Variants in CD58 observed in about 807,000 individuals in gnomAD.
CD58 encodes the protein lymphocyte function-associated antigen 3.
A neutral mutation model predicts 27.6 loss-of-function variants in CD58; 14 were observed. That is an observed-to-expected ratio of 0.51 (90% CI 0.34 to 0.79). The LOEUF is 0.79. CD58 is among the 30% of genes least tolerant of loss of function. The pLI, the probability that CD58 is intolerant of heterozygous loss-of-function variation, is 0.02. For missense variants in CD58, 268 were observed against 301.7 expected (o/e 0.89, Z 0.83); for synonymous variants, 117 against 103.8 (o/e 1.13, Z -0.77).
intron 1 of CD58, among the ~76,000 whole-genome samples, chr1:116,555,757 A>G (rs1658539370): frequency 6.6e-6 from 1 of 152,220 alleles, no homozygotes; most frequent in Non-Finnish European, 1.5e-5. Context: ...TTTATAGATG[A>G]AGTATCCTGA....
chr1:116,567,113 C>A (rs1470994007), intron 1 of CD58, among the ~76,000 whole-genome samples: 2 of 149,874 alleles, frequency 1.3e-5, no homozygotes, highest in African/African-American at 4.9e-5. Context: ...ATACTCTAGC[C>A]TGGGCAACAG....
In CD58 at chr1:116,546,692, G is replaced by C. The variant is rs932569102; in HGVS notation, c.71-2088C>G. On this transcript the variant is annotated intron_variant, in intron 1 of 5. Transcript: ENST00000369489. This position sits in a 1 kb window ranked among gnomAD's most constrained non-coding sequence, Gnocchi z 4.1. ...CCCAGGGAGAGCTGATGTATCCTGG[G>C]CTTGAGAACAGTAGAAGAAAGTAGT... 1.3e-5 allele frequency among the ~76,000 whole-genome samples: 2 copies of C among 152,220 alleles called. No homozygotes were observed. Among genetic ancestry groups the C allele is most frequent in the Non-Finnish European group, 2.9e-5 (2 of 68,042 alleles).
rs1240471003 is a variant in CD58, at chr1:116,522,213, G to C, written c.629-230C>G. On this transcript the variant is annotated intron_variant, in intron 3 of 5. Transcript: ENST00000369489. The surrounding 1 kb of genome is among the most constrained non-coding windows in gnomAD (Gnocchi z 4.6). ...GAAAAAGGTAAAGCTCTGCCTTCTT[G>C]TTTCAAGTTCTTACACTGTTAACAA... Among the ~76,000 whole-genome samples, 1 of 152,166 alleles carries C rather than the reference G, an allele frequency of 6.6e-6. No homozygotes were observed. The highest frequency in any genetic ancestry group is 2.4e-5 in the African/African-American group (1 of 41,440).
intron 1 of CD58, among the ~76,000 whole-genome samples, chr1:116,564,546 G>C (rs1418837214): frequency 2.0e-5 from 3 of 152,226 alleles, no homozygotes; most frequent in Non-Finnish European, 4.4e-5. Context: ...CACCTGGCCA[G>C]GGAGGCCCCA....
chr1:116,553,364 G>A (rs987032793), intron 1 of CD58, among the ~76,000 whole-genome samples: 1 of 152,052 alleles, frequency 6.6e-6, no homozygotes, highest in Non-Finnish European at 1.5e-5. Context: ...GGTAAGACTA[G>A]ATAGCAAGAG....
Position 116,527,083 on chromosome 1 carries a change from C to T in CD58, c.629-5100G>A, listed in dbSNP as rs1013341019. On this transcript the variant is annotated intron_variant, in intron 3 of 5. Coordinates refer to ENST00000369489, the MANE Select transcript of CD58 (RefSeq NM_001779.3). The surrounding 1 kb of genome is among the most constrained non-coding windows in gnomAD (Gnocchi z 4.4). ...AGTTCCAGGAGGTTTTTGGTCAATTCGTTTGGATTGTATACATAGATATTC... is the reference window on the plus strand; with the variant it reads ...AGTTCCAGGAGGTTTTTGGTCAATTTGTTTGGATTGTATACATAGATATTC... Among the ~76,000 whole-genome samples the T allele has an allele frequency of 3.9e-5, 6 of 152,022 alleles. No individual in the cohort carries two copies. The highest frequency in any genetic ancestry group is 2.1e-4 in the South Asian group (1 of 4,820).
Position 116,527,637 on chromosome 1 carries a change from C to T in CD58, c.629-5654G>A, listed in dbSNP as rs1640877021. Among the ~76,000 whole-genome samples the T allele has an allele frequency of 6.6e-6, 1 of 152,114 alleles. No individual in the cohort carries two copies. Among genetic ancestry groups the T allele is most frequent in the Admixed American group, 6.5e-5 (1 of 15,272 alleles). ...CATGAGAAATATTTGTCTTAATTTT[C>T]TTTTCTTGTATTGTTCTTTGGTTTT... On this transcript the variant is annotated intron_variant, in intron 3 of 5. Transcript: ENST00000369489. This position sits in a 1 kb window ranked among gnomAD's most constrained non-coding sequence, Gnocchi z 4.4.
At position 116,522,374 on chromosome 1, in the gene CD58, G is replaced by A. The variant is rs191181588; in HGVS notation, c.629-391C>T. On this transcript the variant is annotated intron_variant, in intron 3 of 5. Transcript: ENST00000369489. This position sits in a 1 kb window ranked among gnomAD's most constrained non-coding sequence, Gnocchi z 4.6. ...GAGTTCCTAAGTGCAAGAAGGCTGC[G>A]ATGTGCCTTGCAGAGAAAATAGGTG... Among the ~76,000 whole-genome samples, 74 of 152,300 alleles carry A rather than the reference G, an allele frequency of 4.9e-4. No individual in the cohort carries two copies. The East Asian group carries it at 0.012, about 25-fold the overall frequency.
At chr1:116,535,941 T>A in intron 3 of CD58, 24 bp downstream of exon 3, 1 of 1,572,922 alleles carries the variant, frequency 6.4e-7, no homozygotes, top group Non-Finnish European at 8.7e-7. Context: ...AAAGCCTCCA[T>A]GACACATTTA....
At chr1:116,565,719 G>T (rs1288032098) in intron 1 of CD58, among the ~76,000 whole-genome samples, 30 of 147,902 alleles carry the variant, frequency 2.0e-4, no homozygotes, top group African/African-American at 2.7e-4. Context: ...GTTTTGTTTT[G>T]TTTTTTTGTT....
rs1321560398 is a variant in CD58, at chr1:116,552,706, G to A, written c.71-8102C>T. On this transcript the variant is annotated intron_variant, in intron 1 of 5. Transcript: ENST00000369489. This position sits in a 1 kb window ranked among gnomAD's most constrained non-coding sequence, Gnocchi z 4.5. ...CTACATAATATTCCAGAGCATGAGG[G>A]AACCATAATTAATCTGCCATCCACC... 6.6e-6 allele frequency among the ~76,000 whole-genome samples: 1 copy of A among 151,992 alleles called. No homozygotes were observed. The highest frequency in any genetic ancestry group is 1.9e-4 in the East Asian group (1 of 5,194).
chr1:116,548,758 A>G (rs1036798234), intron 1 of CD58, among the ~76,000 whole-genome samples: 2 of 152,228 alleles, frequency 1.3e-5, no homozygotes, highest in Non-Finnish European at 2.9e-5. Context: ...AAGAAACTCT[A>G]AAAATTATTT....
Position 116,514,719 on chromosome 1 carries a change from G to T in CD58, c.*94C>A. The stretch of plus-strand genomic sequence containing the variant: ...GCTTCAAGTTACATTTCCAACAGTT[G>T]TTCAAAAATTGTAATACTCAAATGA... On this transcript the variant is annotated 3_prime_UTR_variant, in exon 6 of 6. Coordinates refer to ENST00000369489, the MANE Select transcript of CD58 (RefSeq NM_001779.3). 1 of 759,688 alleles carries T rather than the reference G, an allele frequency of 1.3e-6. No homozygotes were observed. Among genetic ancestry groups the T allele is most frequent in the Non-Finnish European group, 2.2e-6 (1 of 458,302 alleles). 47.1% of individuals were successfully genotyped at this position (759,688 alleles called of 1,614,324 possible). A position where few individuals can be genotyped will look rare whatever the true frequency, so the allele number is the denominator to read the frequency against.
In CD58 at chr1:116,519,254, A is replaced by G. The variant is rs1657190206; in HGVS notation, c.720T>C (p.Cys240=). 1 of 1,612,472 alleles carries G rather than the reference A, an allele frequency of 6.2e-7. No individual in the cohort carries two copies. ...IVLYMNGILK[C]DRKPDRTNSN ...ACTTGGTTCTGTCTGGTTTTCTGTC[A>G]CATTTCAGAATACCTAAAAATGAAG... is the stretch of plus-strand genomic sequence containing the variant. Residue 240 remains cysteine, a synonymous_variant, in exon 5 of 6, where the codon TGT becomes TGC. Coordinates refer to ENST00000369489, the MANE Select transcript of CD58 (RefSeq NM_001779.3). The surrounding 1 kb of genome is among the most constrained non-coding windows in gnomAD (Gnocchi z 4.7).
chr1:116,535,980 A>G lies in CD58; in HGVS notation c.613T>C (p.Cys205Arg). 1 of 1,609,296 alleles carries G rather than the reference A, an allele frequency of 6.2e-7. No homozygotes were observed. Among genetic ancestry groups the G allele is most frequent in the African/African-American group, 1.3e-5 (1 of 74,978 alleles). ...NTTSSIILTT[C>R]IPSSGHSRHR... is the part of the protein sequence containing the mutation. The stretch of plus-strand genomic sequence containing the variant: ...ATTTACTCACCGCTGCTTGGGATAC[A>G]GGTTGTCAAAATGATTGATGATGTT... The change falls in exon 3 of 6, where the codon TGT (cysteine) becomes CGT (arginine). Residue 205 changes from cysteine (C) to arginine (R), a missense_variant. Transcript: ENST00000369489.
Position 116,519,062 on chromosome 1 carries a change from C to T in CD58, c.743+169G>A. 1 of 1,389,316 alleles carries T rather than the reference C, an allele frequency of 7.2e-7. No individual in the cohort carries two copies. Among genetic ancestry groups the T allele is most frequent in the South Asian group, 1.5e-5 (1 of 67,916 alleles). 86.1% of individuals were successfully genotyped at this position (1,389,316 alleles called of 1,614,324 possible). On this transcript the variant is annotated intron_variant, in intron 5 of 5. Transcript: ENST00000369489. The surrounding 1 kb of genome is among the most constrained non-coding windows in gnomAD (Gnocchi z 4.7). Reference sequence around the variant, plus strand: ...AGAGAGTGGCTAGTGCAGTGCATGGCACACAGTTGGTACTTAATACACTAT... The same window carrying T: ...AGAGAGTGGCTAGTGCAGTGCATGGTACACAGTTGGTACTTAATACACTAT...
chr1:116,549,875 G>A (rs1183217965), intron 1 of CD58, among the ~76,000 whole-genome samples: 1 of 152,168 alleles, frequency 6.6e-6, no homozygotes, highest in South Asian at 2.1e-4. Context: ...CAGCAATCAT[G>A]TAAATATCAG....
At position 116,517,522 on chromosome 1, in the gene CD58, C is replaced by G. The variant is rs542841113; in HGVS notation, c.743+1709G>C. On this transcript the variant is annotated intron_variant, in intron 5 of 5. Coordinates refer to ENST00000369489, the MANE Select transcript of CD58 (RefSeq NM_001779.3). This position sits in a 1 kb window ranked among gnomAD's most constrained non-coding sequence, Gnocchi z 6.5. ...CTGCTTAGCCACCCTCACTTCATCC[C>G]TGCACTGACCACAGCAACCGACTCC... is the stretch of plus-strand genomic sequence containing the variant. 6.2e-4 allele frequency among the ~76,000 whole-genome samples: 95 copies of G among 152,274 alleles called. No individual in the cohort carries two copies. Among genetic ancestry groups the G allele is most frequent in the African/African-American group, 2.1e-3 (87 of 41,550 alleles).
At chr1:116,539,404 C>T (rs1189855815) in intron 2 of CD58, among the ~76,000 whole-genome samples, 1 of 152,012 alleles carries the variant, frequency 6.6e-6, no homozygotes, top group African/African-American at 2.4e-5. Flanking sequence ...TACAGAGAAA[C>T]GGACTCCTAA....
Sources: allele counts gnomAD v4.1 joint callset (sites outside exome capture counted in the v4.1 genomes callset), GRCh38; gene constraint gnomAD v4.1.1; non-coding constraint Gnocchi (gnomAD v3.1); transcripts MANE v1.5; gene names NCBI Gene and HGNC (gene_info 2026-07-23, HGNC 2026-07-21).